The following OR3A2 variants were observed in gnomAD, a reference collection of about 807,000 sequenced individuals.
The protein encoded by OR3A2 is olfactory receptor 3A2.
For synonymous variants in OR3A2, 126 were observed against 159.3 expected (o/e 0.79, Z 1.57); for missense variants, 318 against 392.8 (o/e 0.81, Z 1.61).
chr17:3,360,296 C>A (rs1597357756), intron 2 of OR3A2, among the ~76,000 whole-genome samples: 1 of 151,284 alleles, frequency 6.6e-6, no homozygotes, highest in Non-Finnish European at 1.5e-5. Flanking sequence ...TGTTTGAGTT[C>A]TTTGTGGATT....
At chr17:3,372,496 G>C (rs867336134) in intron 2 of OR3A2, among the ~76,000 whole-genome samples, 2 of 151,988 alleles carry the variant, frequency 1.3e-5, no homozygotes, top group African/African-American at 4.8e-5. Flanking sequence ...AGGTTGTAGC[G>C]AGCTGAGATC....
intron 2 of OR3A2, among the ~76,000 whole-genome samples, chr17:3,375,029 G>C (rs139300764): frequency 6.8e-6 from 1 of 146,108 alleles, no homozygotes; most frequent in Non-Finnish European, 1.5e-5. Flanking sequence ...TTCATATCCT[G>C]TATTTTTTTT....
At chr17:3,276,184 AAT>A (rs577600386), downstream of OR3A2, among the ~76,000 whole-genome samples, 61 of 152,306 alleles carry the variant, frequency 4.0e-4, no homozygotes, top group South Asian at 2.9e-3. Flanking sequence ...AAATTATAGA[AAT>A]AGAGGTTTAA....
At chr17:3,300,052 T>C (rs918286759) in intron 3 of OR3A2, among the ~76,000 whole-genome samples, 3 of 152,106 alleles carry the variant, frequency 2.0e-5, no homozygotes, top group Non-Finnish European at 4.4e-5. Flanking sequence ...TTACTTAATG[T>C]TACCTATCTA....
chr17:3,280,349 G>A (rs2048769571), intron 1 of OR3A2, among the ~76,000 whole-genome samples: 1 of 151,018 alleles, frequency 6.6e-6, no homozygotes, highest in Admixed American at 6.6e-5. Context: ...TCGGCTCACT[G>A]CAAGCTCCGC....
chr17:3,361,396 T>A (rs1317487532), intron 2 of OR3A2, among the ~76,000 whole-genome samples: 2 of 151,652 alleles, frequency 1.3e-5, no homozygotes, highest in South Asian at 2.1e-4. Flanking sequence ...CCTAACTGAA[T>A]GTGCTTTATT....
chr17:3,344,627 T>C (rs991557549), intron 2 of OR3A2, among the ~76,000 whole-genome samples: 2 of 152,208 alleles, frequency 1.3e-5, no homozygotes, highest in East Asian at 3.9e-4. Context: ...ATCCTTTTCC[T>C]TGACCATTCC....
chr17:3,339,638 T>C (rs1256220734), intron 2 of OR3A2, among the ~76,000 whole-genome samples: 6 of 152,198 alleles, frequency 3.9e-5, no homozygotes, highest in Admixed American at 3.9e-4. Flanking sequence ...TTGATCTTGG[T>C]GGATAAGCTT....
At chr17:3,333,876 A>C (rs2049258517) in intron 3 of OR3A2, among the ~76,000 whole-genome samples, 2 of 152,214 alleles carry the variant, frequency 1.3e-5, no homozygotes, top group African/African-American at 4.8e-5. Context: ...TCTAATATCC[A>C]GAGTCTACAA....
At chr17:3,279,347 A>G (rs1318538294) in intron 1 of OR3A2, among the ~76,000 whole-genome samples, 194 bp from the exon 4 acceptor site, 1 of 152,228 alleles carries the variant, frequency 6.6e-6, no homozygotes, top group Non-Finnish European at 1.5e-5. Flanking sequence ...TACCTTAAAT[A>G]TAGACAAAAA....
intron 3 of OR3A2, among the ~76,000 whole-genome samples, chr17:3,335,296 A>C (rs147801092): frequency 1.3e-5 from 2 of 152,284 alleles, no homozygotes; most frequent in East Asian, 3.9e-4. Context: ...AAATTTTAAA[A>C]AATGTTTATG....
intron 2 of OR3A2, among the ~76,000 whole-genome samples, chr17:3,346,172 T>C (rs1012851205): frequency 3.3e-5 from 5 of 152,232 alleles, no homozygotes; most frequent in African/African-American, 1.2e-4. Context: ...TGTGCATCCA[T>C]GTTGTCACAA....
chr17:3,348,183 C>G (rs2049385628), intron 2 of OR3A2, among the ~76,000 whole-genome samples: 2 of 152,142 alleles, frequency 1.3e-5, no homozygotes, highest in South Asian at 4.2e-4. Context: ...AATTTTCTCC[C>G]ATTTTGTAGG....
At position 3,303,267 on chromosome 17, in the gene OR3A2, A is replaced by C. The variant is rs184601972; in HGVS notation, c.-84-24114T>G. Among the ~76,000 whole-genome samples, 35 of 152,322 alleles carry C rather than the reference A, an allele frequency of 2.3e-4. 1 individual carries two copies. In the South Asian group the frequency reaches 5.0e-3, roughly 22 times the overall value. On this transcript the variant is annotated intron_variant, in intron 3 of 4. Transcript: ENST00000573491. ...ATCTTTATAATATTTTAGGAGGTAA[A>C]TATTTCTTAAATAAGTTGAAAGAAC...
At chr17:3,359,162 T>C (rs915220556) in intron 2 of OR3A2, among the ~76,000 whole-genome samples, 1 of 151,806 alleles carries the variant, frequency 6.6e-6, no homozygotes, top group African/African-American at 2.4e-5. Flanking sequence ...TTCAAACCTA[T>C]GAGTGTTGTT....
chr17:3,336,183 T>A (rs2049273710), intron 2 of OR3A2, 57 bp from the exon 2 acceptor site: 1 of 152,216 alleles, frequency 6.6e-6, no homozygotes, highest in African/African-American at 2.4e-5. Flanking sequence ...TCACTAGTCA[T>A]CCAAATACAA....
chr17:3,353,792 C>T (rs1016281586), intron 2 of OR3A2, among the ~76,000 whole-genome samples: 3 of 151,768 alleles, frequency 2.0e-5, no homozygotes, highest in Non-Finnish European at 2.9e-5. Flanking sequence ...TCCATCACCT[C>T]AAGCACTTAT....
chr17:3,330,760 G>T (rs1439477309), intron 3 of OR3A2, among the ~76,000 whole-genome samples: 5 of 150,436 alleles, frequency 3.3e-5, no homozygotes, highest in African/African-American at 1.2e-4. Flanking sequence ...TCATTATGAT[G>T]TTAGCTGGTG....
intron 1 of OR3A2, among the ~76,000 whole-genome samples, chr17:3,281,728 A>G (rs1277227282): frequency 6.6e-6 from 1 of 152,184 alleles, no homozygotes; most frequent in South Asian, 2.1e-4. Context: ...TGACACACAG[A>G]AAAGTTACAA....
Sources: gnomAD v4.1 joint callset for allele counts (sites outside exome capture counted in the v4.1 genomes callset) on GRCh38, gnomAD v4.1.1 for gene constraint, MANE v1.5 for transcripts, NCBI Gene and HGNC (gene_info 2026-07-23, HGNC 2026-07-21) for gene names.